Variants in PVT1 observed in about 807,000 individuals in gnomAD.
PVT1 encodes Pvt1 oncogene, also known as CXCR4/PVT1 fusion.
At chr8:127,815,216 C>T (rs1426739605) in intron 2 of PVT1, among the ~76,000 whole-genome samples, 1 of 152,208 alleles carries the variant, frequency 6.6e-6, no homozygotes, top group East Asian at 1.9e-4. Context: ...ATCCACCCTC[C>T]TCGGCCTCCC....
At chr8:127,859,687 T>C (rs1284744157) in intron 2 of PVT1, among the ~76,000 whole-genome samples, 1 of 151,980 alleles carries the variant, frequency 6.6e-6, no homozygotes, top group Non-Finnish European at 1.5e-5. Flanking sequence ...ATGCTGAACT[T>C]GGAGAAATCT....
At chr8:128,010,636 G>T (rs146412753) in intron 4 of PVT1, 2 of 152,244 alleles carry the variant, frequency 1.3e-5, no homozygotes, top group Admixed American at 6.5e-5. Flanking sequence ...ATAGCAAATG[G>T]CCTCTGACTT....
chr8:127,823,820 C>G (rs988076268), intron 2 of PVT1, among the ~76,000 whole-genome samples: 4 of 152,212 alleles, frequency 2.6e-5, no homozygotes, highest in African/African-American at 9.6e-5. Context: ...CTTCACTGCC[C>G]GTCGAAGCAG....
At chr8:127,997,669 A>C (rs1253093104) in intron 4 of PVT1, among the ~76,000 whole-genome samples, 2 of 152,208 alleles carry the variant, frequency 1.3e-5, no homozygotes, top group Non-Finnish European at 2.9e-5. Context: ...CAGTTCAAAA[A>C]GTTCTCATAT....
intron 2 of PVT1, among the ~76,000 whole-genome samples, chr8:127,883,586 C>T (rs180960671): frequency 8.7e-4 from 131 of 150,338 alleles, no homozygotes; most frequent in Non-Finnish European, 1.5e-3. Flanking sequence ...CAAACCTGCA[C>T]GTTGTGCACA....
chr8:127,898,924 G>T lies in PVT1; in HGVS notation n.782+7926G>T, dbSNP rs1199565304. On this transcript the variant is annotated intron_variant and non_coding_transcript_variant, in intron 3 of 10. Coordinates refer to ENST00000651587, the Ensembl canonical transcript of PVT1. The surrounding 1 kb of genome is among the most constrained non-coding windows in gnomAD (Gnocchi z 4.4). ...GTGTCCCACCTGATTACTGGGAAGTGCAATGGACACCCCCACCCCCCGTTG... is the reference window on the plus strand; with the variant it reads ...GTGTCCCACCTGATTACTGGGAAGTTCAATGGACACCCCCACCCCCCGTTG... Among the ~76,000 whole-genome samples the T allele has an allele frequency of 2.0e-5, 3 of 152,154 alleles. No homozygotes were observed. Among genetic ancestry groups the T allele is most frequent in the Non-Finnish European group, 4.4e-5 (3 of 68,026 alleles).
intron 4 of PVT1, among the ~76,000 whole-genome samples, chr8:128,035,970 A>G (rs1813456750): frequency 6.6e-6 from 1 of 152,206 alleles, no homozygotes; most frequent in South Asian, 2.1e-4. Context: ...CCAGAAGGGT[A>G]AGAGGATAAA....
At chr8:127,947,498 GC>G in intron 3 of PVT1, 1 of 348,104 alleles carries the variant, frequency 2.9e-6, no homozygotes. Context: ...CCATCCCAAT[GC>G]CAGGCACACT....
chr8:128,070,184 A>G (rs1252768467), exon 5 of PVT1: 1 of 152,200 alleles, frequency 6.6e-6, no homozygotes, highest in Non-Finnish European at 1.5e-5. Flanking sequence ...CTCTGTGTTC[A>G]CCTGGTTCAT....
intron 2 of PVT1, among the ~76,000 whole-genome samples, chr8:127,801,527 C>T (rs1388564634): frequency 2.0e-5 from 3 of 152,184 alleles, no homozygotes; most frequent in Non-Finnish European, 2.9e-5. Context: ...AGGTGTGAAC[C>T]ACTGTGACTG....
intron 2 of PVT1, among the ~76,000 whole-genome samples, chr8:127,819,789 A>G (rs1483604799): frequency 6.6e-6 from 1 of 152,160 alleles, no homozygotes; most frequent in Non-Finnish European, 1.5e-5. Flanking sequence ...ATTTTCCTGG[A>G]ATCCTAGACT....
chr8:127,832,214 T>C (rs924723302), intron 2 of PVT1, among the ~76,000 whole-genome samples: 3 of 152,146 alleles, frequency 2.0e-5, no homozygotes, highest in Non-Finnish European at 4.4e-5. Context: ...CTTAGCTAGA[T>C]TGTGAACCCA....
At chr8:127,875,849 G>A (rs370549596) in intron 2 of PVT1, among the ~76,000 whole-genome samples, 1 of 152,186 alleles carries the variant, frequency 6.6e-6, no homozygotes. Context: ...AGGGCAGGTC[G>A]TGGGCTCCTT....
chr8:127,869,366 G>T (rs1176651660), intron 2 of PVT1, among the ~76,000 whole-genome samples: 2 of 151,952 alleles, frequency 1.3e-5, no homozygotes, highest in Non-Finnish European at 2.9e-5. Flanking sequence ...CCTGACCTCA[G>T]GTGATGCACC....
At chr8:127,991,293 C>A (rs971208650) in intron 4 of PVT1, among the ~76,000 whole-genome samples, 13 of 152,034 alleles carry the variant, frequency 8.6e-5, no homozygotes, top group Non-Finnish European at 1.6e-4. Flanking sequence ...CAGGTGCCCA[C>A]CACCACGCCT....
chr8:128,079,368 T>C (rs1814143609), intron 5 of PVT1, among the ~76,000 whole-genome samples: 1 of 152,232 alleles, frequency 6.6e-6, no homozygotes, highest in African/African-American at 2.4e-5. Flanking sequence ...AATTCCCATA[T>C]ATTCTCCTCT....
At chr8:127,818,430 G>A (rs143201443) in intron 2 of PVT1, among the ~76,000 whole-genome samples, 86 of 152,244 alleles carry the variant, frequency 5.6e-4, no homozygotes, top group Middle Eastern at 6.8e-3. Context: ...TTGTAAGAAG[G>A]GAGAGCAGGC....
chr8:128,021,585 G>GC (rs1554604893), intron 4 of PVT1, among the ~76,000 whole-genome samples: 1 of 152,066 alleles, frequency 6.6e-6, no homozygotes, highest in Non-Finnish European at 1.5e-5. Flanking sequence ...GAGCAACCGC[G>GC]CCCGGCCTGT....
At chr8:128,038,743 G>A (rs1206330099) in intron 4 of PVT1, among the ~76,000 whole-genome samples, 1 of 152,064 alleles carries the variant, frequency 6.6e-6, no homozygotes, top group East Asian at 1.9e-4. Flanking sequence ...TAATTGAGAG[G>A]GATTCTGAGA....
Sources: allele counts gnomAD v4.1 joint callset (sites outside exome capture counted in the v4.1 genomes callset), GRCh38; gene constraint gnomAD v4.1.1; non-coding constraint Gnocchi (gnomAD v3.1); transcripts MANE v1.5; gene names NCBI Gene and HGNC (gene_info 2026-07-23, HGNC 2026-07-21).